Variants in GTF2A1 observed in about 807,000 individuals in gnomAD.
GTF2A1 encodes the protein transcription initiation factor IIA subunit 1.
Under a neutral mutation model 54.1 loss-of-function variants are expected in GTF2A1, and 12 were observed. The observed-to-expected ratio is 0.22, with a 90% CI of 0.14 to 0.36. GTF2A1 has a LOEUF of 0.36. GTF2A1 is among the 10% of genes least tolerant of loss of function. The pLI is 1.00. For synonymous variants in GTF2A1, 145 were observed against 152.0 expected, an observed-to-expected ratio of 0.95 and a Z score of 0.34; for missense variants, 335 against 442.2, an observed-to-expected ratio of 0.76 and a Z score of 2.17.
chr14:81,195,403 G>A (rs1255012845), intron 6 of GTF2A1, among the ~76,000 whole-genome samples: 1 of 151,774 alleles, frequency 6.6e-6, no homozygotes, highest in Non-Finnish European at 1.5e-5. Context: ...GGAGGCCGAG[G>A]CGGGTGGATC....
intron 2 of GTF2A1, chr14:81,209,905 ATCT>A: frequency 7.8e-7 from 1 of 1,278,856 alleles, no homozygotes; most frequent in Non-Finnish European, 1.0e-6. Context: ...AAGTATGAAC[ATCT>A]TCTGGGCAGC....
At chr14:81,192,285 T>A (rs1242048271) in intron 7 of GTF2A1, among the ~76,000 whole-genome samples, 2 of 152,206 alleles carry the variant, frequency 1.3e-5, no homozygotes, top group East Asian at 3.8e-4. Context: ...ACAATTTAAT[T>A]TGTTATACAT....
At chr14:81,217,109 T>G (rs1217615232) in intron 1 of GTF2A1, among the ~76,000 whole-genome samples, 1 of 152,242 alleles carries the variant, frequency 6.6e-6, no homozygotes, top group African/African-American at 2.4e-5. Context: ...ATTTCTCCTC[T>G]ACTACTGCCC....
At chr14:81,219,543 C>T (rs976356133) in intron 1 of GTF2A1, among the ~76,000 whole-genome samples, 2 of 152,218 alleles carry the variant, frequency 1.3e-5, no homozygotes, top group African/African-American at 4.8e-5. Flanking sequence ...CGGCCGCAGC[C>T]ATGATGGTTA....
intron 7 of GTF2A1, among the ~76,000 whole-genome samples, chr14:81,186,324 A>T (rs148522393): frequency 1.3e-5 from 2 of 152,366 alleles, no homozygotes; most frequent in Non-Finnish European, 2.9e-5. Context: ...AGAAAAGAAG[A>T]GCAATGCAAT....
chr14:81,203,838 C>G (rs1893167529), intron 3 of GTF2A1, 62 bp downstream of exon 3: 2 of 1,385,996 alleles, frequency 1.4e-6, no homozygotes, highest in Non-Finnish European at 2.1e-6. Context: ...GAATATTTCT[C>G]TTCTTTCATA....
intron 4 of GTF2A1, 45 bp downstream of exon 4, chr14:81,201,549 T>C: frequency 8.9e-7 from 1 of 1,123,786 alleles, no homozygotes; most frequent in Admixed American, 1.7e-5. Context: ...CAATGTGGGT[T>C]AGAATTAAGT....
intron 6 of GTF2A1, among the ~76,000 whole-genome samples, chr14:81,194,775 G>C (rs1892953701): frequency 6.6e-6 from 1 of 152,182 alleles, no homozygotes; most frequent in Non-Finnish European, 1.5e-5. Context: ...TCCACAAAAA[G>C]ATTTTATAAA....
chr14:81,215,300 C>G (rs938143850), intron 2 of GTF2A1, among the ~76,000 whole-genome samples: 13 of 152,200 alleles, frequency 8.5e-5, no homozygotes, highest in Admixed American at 5.9e-4. Context: ...GGAAAAGCAC[C>G]TGTGCACTTG....
At chr14:81,186,168 A>G (rs1320527772) in intron 7 of GTF2A1, among the ~76,000 whole-genome samples, 2 of 152,146 alleles carry the variant, frequency 1.3e-5, no homozygotes, top group African/African-American at 4.8e-5. Context: ...TATTTTCTTT[A>G]TTTTTTAAAA....
intron 7 of GTF2A1, among the ~76,000 whole-genome samples, chr14:81,191,598 T>C (rs1892877926): frequency 6.6e-6 from 1 of 152,124 alleles, no homozygotes; most frequent in Non-Finnish European, 1.5e-5. Flanking sequence ...AACTAAACAA[T>C]ATGCTATTTA....
At chr14:81,189,028 T>C (rs971468585) in intron 7 of GTF2A1, among the ~76,000 whole-genome samples, 1 of 152,174 alleles carries the variant, frequency 6.6e-6, no homozygotes, top group Non-Finnish European at 1.5e-5. Context: ...ACAAATAGCA[T>C]AAATAGCAAT....
chr14:81,220,408 C>CCGCCGT, intron 1 of GTF2A1, 81 bp downstream of exon 1: 5 of 982,054 alleles, frequency 5.1e-6, no homozygotes, highest in Non-Finnish European at 7.3e-6. Context: ...CCGGGAGTCG[C>CCGCCGT]CGCCGTCCCC....
At chr14:81,196,922 G>A (rs1225525685) in intron 5 of GTF2A1, among the ~76,000 whole-genome samples, 1 of 152,088 alleles carries the variant, frequency 6.6e-6, no homozygotes, top group Non-Finnish European at 1.5e-5. Context: ...CAAGATTATA[G>A]GGAACACTTA....
intron 7 of GTF2A1, among the ~76,000 whole-genome samples, chr14:81,188,604 T>C (rs1460850628): frequency 6.6e-6 from 1 of 151,220 alleles, no homozygotes; most frequent in Non-Finnish European, 1.5e-5. Flanking sequence ...ACCCCGTCTC[T>C]ACTAAAAAAA....
intron 3 of GTF2A1, chr14:81,202,598 G>A (rs1056424997): frequency 2.6e-5 from 13 of 498,304 alleles, no homozygotes; most frequent in African/African-American, 2.0e-4. Context: ...CTGAAAGCAG[G>A]GGACCACCAG....
intron 4 of GTF2A1, among the ~76,000 whole-genome samples, chr14:81,198,346 G>A (rs1224009412): frequency 6.6e-6 from 1 of 152,198 alleles, no homozygotes; most frequent in East Asian, 1.9e-4. Flanking sequence ...TTGGGAGGGT[G>A]AGGTGGGAGG....
chr14:81,196,283 T>C, intron 5 of GTF2A1, 42 bp from the exon 6 acceptor site: 3 of 1,604,476 alleles, frequency 1.9e-6, no homozygotes, highest in African/African-American at 2.7e-5. Flanking sequence ...ATTTTAGCAG[T>C]GACCATCTCA....
intron 6 of GTF2A1, among the ~76,000 whole-genome samples, chr14:81,195,355 C>T (rs769813612): frequency 6.6e-6 from 1 of 151,460 alleles, no homozygotes; most frequent in Non-Finnish European, 1.5e-5. Context: ...AAAAAAAGGC[C>T]GGGCGCAGTG....
Sources: gnomAD v4.1 joint callset for allele counts (sites outside exome capture counted in the v4.1 genomes callset) on GRCh38, gnomAD v4.1.1 for gene constraint, MANE v1.5 for transcripts, NCBI Gene and HGNC (gene_info 2026-07-23, HGNC 2026-07-21) for gene names.